Variants in MAML2 observed in about 807,000 individuals in gnomAD.
The protein encoded by MAML2 is mastermind like transcriptional coactivator 2, also known as mastermind-like protein 2.
MAML2 carries 22 observed loss-of-function variants against 96.1 expected under a neutral mutation model. The observed-to-expected ratio is 0.23, with a 90% CI of 0.16 to 0.33. The LOEUF is 0.33. Ranked by LOEUF, MAML2 falls within the 10% of genes least tolerant of loss-of-function variation. MAML2 has a pLI of 1.00. For missense variants in MAML2, 1,367 were observed against 1,392.4 expected (o/e 0.98, Z 0.29); for synonymous variants, 561 against 521.3 (o/e 1.08, Z -1.04).
intron 3 of MAML2, among the ~76,000 whole-genome samples, chr11:95,987,172 T>C (rs979633645): frequency 7.9e-5 from 12 of 152,338 alleles, no homozygotes; most frequent in Admixed American, 2.6e-4. Flanking sequence ...ATCACTCATT[T>C]AACAACAGAG....
chr11:96,181,562 C>G (rs1565240165), intron 1 of MAML2, among the ~76,000 whole-genome samples: 1 of 152,102 alleles, frequency 6.6e-6, no homozygotes, highest in Non-Finnish European at 1.5e-5. Context: ...CCACCCCCTT[C>G]AAGTCTTTAC....
intron 1 of MAML2, among the ~76,000 whole-genome samples, chr11:96,200,931 G>A (rs541140433): frequency 6.6e-6 from 1 of 151,890 alleles, no homozygotes; most frequent in Non-Finnish European, 1.5e-5. Context: ...AAAACAACCA[G>A]GATGATAAGC....
intron 2 of MAML2, among the ~76,000 whole-genome samples, chr11:95,998,129 T>C (rs7936579): frequency 1.4e-5 from 2 of 139,310 alleles, no homozygotes; most frequent in Non-Finnish European, 3.2e-5. Context: ...TCTATCTGTC[T>C]GTCTGTCTGT....
At chr11:96,296,646 A>G (rs189738286) in intron 1 of MAML2, among the ~76,000 whole-genome samples, 64 of 152,324 alleles carry the variant, frequency 4.2e-4, no homozygotes, top group African/African-American at 1.5e-3. Context: ...TCCATCTCCA[A>G]AAAATAAAAT....
intron 1 of MAML2, among the ~76,000 whole-genome samples, chr11:96,234,318 C>T (rs1862337624): frequency 6.6e-6 from 1 of 152,204 alleles, no homozygotes; most frequent in African/African-American, 2.4e-5. Flanking sequence ...CATGTCTCTA[C>T]TAAAAATACA....
intron 1 of MAML2, among the ~76,000 whole-genome samples, chr11:96,274,313 A>C (rs929277866): frequency 1.3e-5 from 2 of 151,560 alleles, no homozygotes; most frequent in African/African-American, 4.8e-5. Context: ...CGATCTCCTG[A>C]CCTTGTGATC....
At chr11:96,279,020 G>A (rs76904830) in intron 1 of MAML2, among the ~76,000 whole-genome samples, 3 of 152,164 alleles carry the variant, frequency 2.0e-5, no homozygotes, top group Non-Finnish European at 4.4e-5. Context: ...GGTGATTATA[G>A]AACTGAAAAG....
At chr11:95,998,882 T>G (rs1382184418) in intron 2 of MAML2, among the ~76,000 whole-genome samples, 1 of 152,210 alleles carries the variant, frequency 6.6e-6, no homozygotes, top group Non-Finnish European at 1.5e-5. Context: ...TGGTTTAATA[T>G]CTTGCCTATG....
intron 2 of MAML2, among the ~76,000 whole-genome samples, chr11:96,072,858 A>G (rs1859369119): frequency 6.6e-6 from 1 of 152,194 alleles, no homozygotes; most frequent in South Asian, 2.1e-4. Context: ...CCAACATGAT[A>G]AACTCCATTT....
intron 1 of MAML2, among the ~76,000 whole-genome samples, chr11:96,335,427 C>T (rs909661640): frequency 1.3e-5 from 2 of 152,150 alleles, no homozygotes; most frequent in Non-Finnish European, 2.9e-5. Flanking sequence ...ACCTAAGAAG[C>T]GAGGTATAGC....
intron 1 of MAML2, among the ~76,000 whole-genome samples, chr11:96,335,011 A>AGTCAATAG (rs1863900658): frequency 6.6e-6 from 1 of 152,164 alleles, no homozygotes; most frequent in African/African-American, 2.4e-5. Flanking sequence ...GGTTGAAGCT[A>AGTCAATAG]GTCAATAGCC....
At chr11:96,061,992 A>T (rs1346689679) in intron 2 of MAML2, among the ~76,000 whole-genome samples, 1 of 152,234 alleles carries the variant, frequency 6.6e-6, no homozygotes, top group Admixed American at 6.5e-5. Context: ...ATACTATGAG[A>T]GACGAGTTCC....
At chr11:96,158,268 T>G (rs1479527661) in intron 1 of MAML2, among the ~76,000 whole-genome samples, 1 of 152,192 alleles carries the variant, frequency 6.6e-6, no homozygotes, top group African/African-American at 2.4e-5. Flanking sequence ...TTGACACGTG[T>G]TGGTTTCCCT....
At chr11:96,166,964 C>A (rs997528281) in intron 1 of MAML2, among the ~76,000 whole-genome samples, 1 of 152,154 alleles carries the variant, frequency 6.6e-6, no homozygotes, top group African/African-American at 2.4e-5. Context: ...CATGGCTTCA[C>A]CTCCCTCCCT....
At chr11:95,986,586 G>A (rs1857832955) in intron 3 of MAML2, among the ~76,000 whole-genome samples, 1 of 151,164 alleles carries the variant, frequency 6.6e-6, no homozygotes, top group South Asian at 2.1e-4. Flanking sequence ...GGCACTATAT[G>A]AATTTTATCT....
chr11:96,202,073 C>A (rs1044648514), intron 1 of MAML2, among the ~76,000 whole-genome samples: 6 of 150,038 alleles, frequency 4.0e-5, no homozygotes, highest in Non-Finnish European at 7.4e-5. Flanking sequence ...GTGGCTCGCG[C>A]CTGTAATCCC....
chr11:96,235,560 T>C (rs951966623), intron 1 of MAML2, among the ~76,000 whole-genome samples: 1 of 152,190 alleles, frequency 6.6e-6, no homozygotes, highest in East Asian at 1.9e-4. Flanking sequence ...GGGCCAGTAA[T>C]TACTTTCCTC....
chr11:96,038,502 C>A (rs746056699), intron 2 of MAML2, among the ~76,000 whole-genome samples: 1 of 152,236 alleles, frequency 6.6e-6, no homozygotes, highest in Non-Finnish European at 1.5e-5. Flanking sequence ...ACTATTCAAT[C>A]GCTTAGAACT....
At chr11:95,989,874 T>A (rs1857884136) in intron 3 of MAML2, among the ~76,000 whole-genome samples, 1 of 152,222 alleles carries the variant, frequency 6.6e-6, no homozygotes, top group Non-Finnish European at 1.5e-5. Context: ...TTATTCCACT[T>A]GTAATTCCTT....
Sources: allele counts gnomAD v4.1 joint callset (sites outside exome capture counted in the v4.1 genomes callset), GRCh38; gene constraint gnomAD v4.1.1; transcripts MANE v1.5; gene names NCBI Gene and HGNC (gene_info 2026-07-23, HGNC 2026-07-21).